Variants in MAMDC2 observed in about 807,000 individuals in gnomAD.
MAMDC2 encodes the protein MAM domain-containing protein 2.
Under a neutral mutation model 89.8 loss-of-function variants are expected in MAMDC2, and 57 were observed. The observed-to-expected ratio is 0.63, with a 90% CI of 0.51 to 0.79. The LOEUF is 0.79. Ranked by LOEUF, MAMDC2 falls within the 30% of genes least tolerant of loss-of-function variation. The probability of loss-of-function intolerance (pLI) is 0.00; values close to 1 mark genes in which losing one functional copy is unlikely to be tolerated. For missense variants in MAMDC2, 800 were observed against 820.6 expected, an observed-to-expected ratio of 0.97 and a Z score of 0.31; for synonymous variants, 313 against 293.4, an observed-to-expected ratio of 1.07 and a Z score of -0.68.
chr9:70,044,628 G>T lies in MAMDC2; in HGVS notation c.79G>T (p.Ala27Ser), dbSNP rs771142996. 2 of 1,551,404 alleles carry T rather than the reference G, an allele frequency of 1.3e-6. No homozygotes were observed. Among genetic ancestry groups the T allele is most frequent in the South Asian group, 1.2e-5 (1 of 84,044 alleles). The change falls in exon 2 of 14, where the codon GCC (alanine) becomes TCC (serine). Residue 27 changes from alanine (A) to serine (S), a missense_variant. Transcript: ENST00000377182. ...GALDLPAGSC[A>S]FEESTCGFDS... ...CCTCGACCTGCCCGCTGGGTCCTGT[G>T]CCTTTGAAGAGAGCACTTGCGGCTT...
At chr9:70,044,255 C>T (rs774957134) in intron 1 of MAMDC2, 24 bp downstream of exon 1, 3 of 1,610,088 alleles carry the variant, frequency 1.9e-6, no homozygotes, top group Non-Finnish European at 2.5e-6. Context: ...CCCGGGACAA[C>T]CCCGGGGGCG....
At chr9:70,170,788 T>C (rs944190225) in intron 11 of MAMDC2, 157 bp downstream of exon 11, 5 of 615,372 alleles carry the variant, frequency 8.1e-6, no homozygotes, top group East Asian at 6.2e-5. Flanking sequence ...GATATGGGCA[T>C]TGAATATCTC....
chr9:70,150,642 T>C (rs932542820), intron 9 of MAMDC2, among the ~76,000 whole-genome samples: 1 of 152,170 alleles, frequency 6.6e-6, no homozygotes, highest in African/African-American at 2.4e-5. Context: ...ATTTAAATAG[T>C]TTGATTCTTC....
chr9:70,089,213 C>T (rs2118167956), intron 2 of MAMDC2: 1 of 152,258 alleles, frequency 6.6e-6, no homozygotes, highest in South Asian at 2.1e-4. Context: ...ACCAGGACAG[C>T]ATCTTCTGAC....
chr9:70,115,274 T>C (rs1370364070), intron 5 of MAMDC2, among the ~76,000 whole-genome samples: 4 of 151,980 alleles, frequency 2.6e-5, no homozygotes, highest in African/African-American at 7.2e-5. Context: ...CTGGGGTCAC[T>C]TACATAAGAA....
intron 9 of MAMDC2, among the ~76,000 whole-genome samples, chr9:70,146,363 G>C (rs1287633797): frequency 1.3e-5 from 2 of 152,130 alleles, no homozygotes; most frequent in African/African-American, 2.4e-5. Context: ...GTGCAGATGA[G>C]GAGACAGTAT....
intron 2 of MAMDC2, among the ~76,000 whole-genome samples, chr9:70,096,671 G>A (rs1828036495): frequency 6.6e-6 from 1 of 152,140 alleles, no homozygotes; most frequent in South Asian, 2.1e-4. Context: ...TGGATATTAG[G>A]GAGGCAATTA....
In MAMDC2 at chr9:70,048,501, G is replaced by A. The variant is rs1490463063; in HGVS notation, c.148+3804G>A. The stretch of plus-strand genomic sequence containing the variant: ...TTTAGTAGAGATGGGATTTCACCAT[G>A]TTGGCCAGGCTGGTCTTGAACTCCT... On this transcript the variant is annotated intron_variant, in intron 2 of 13. Transcript: ENST00000377182. Among the ~76,000 whole-genome samples, 4 of 152,164 alleles carry A rather than the reference G, an allele frequency of 2.6e-5. No homozygotes were observed. The East Asian group carries it at 7.7e-4, about 29-fold the overall frequency.
intron 11 of MAMDC2, among the ~76,000 whole-genome samples, chr9:70,208,522 GGAT>G (rs2033278840): frequency 1.3e-5 from 2 of 152,286 alleles, no homozygotes; most frequent in East Asian, 1.9e-4. Context: ...ATCAGCTTAA[GGAT>G]ATTTTGGGCT....
chr9:70,211,587 A>G (rs1384541693), intron 11 of MAMDC2, among the ~76,000 whole-genome samples: 1 of 151,372 alleles, frequency 6.6e-6, no homozygotes, highest in Non-Finnish European at 1.5e-5. Context: ...ACCTTTAGCT[A>G]TTAGTTATTA....
At chr9:70,141,507 T>C (rs2031221510) in intron 8 of MAMDC2, among the ~76,000 whole-genome samples, 1 of 152,180 alleles carries the variant, frequency 6.6e-6, no homozygotes, top group African/African-American at 2.4e-5. Context: ...AAGCACAGGT[T>C]GTGGTAAGTG....
At chr9:70,045,916 C>CTT (rs1826738551) in intron 2 of MAMDC2, among the ~76,000 whole-genome samples, 4 of 152,182 alleles carry the variant, frequency 2.6e-5, no homozygotes, top group Non-Finnish European at 5.9e-5. Flanking sequence ...TTGACTACTA[C>CTT]AGTCTACTTA....
intron 1 of MAMDC2, 108 bp from the exon 2 acceptor site, chr9:70,044,476 C>A: frequency 1.0e-5 from 10 of 968,736 alleles, no homozygotes; most frequent in Non-Finnish European, 1.4e-5. Context: ...CCCGCCCCCT[C>A]CCGCTCGTCT....
At chr9:70,194,682 G>A (rs1386060137) in intron 11 of MAMDC2, 2 of 152,128 alleles carry the variant, frequency 1.3e-5, no homozygotes, top group East Asian at 3.8e-4. Flanking sequence ...GATTGTATTT[G>A]TGAAAAGAAT....
chr9:70,105,180 A>G (rs1047000997), intron 2 of MAMDC2, among the ~76,000 whole-genome samples: 1 of 152,152 alleles, frequency 6.6e-6, no homozygotes, highest in Non-Finnish European at 1.5e-5. Context: ...TCTTCAAAAT[A>G]TACCGTGTTC....
chr9:70,164,510 G>A (rs2118506830), intron 9 of MAMDC2, among the ~76,000 whole-genome samples: 1 of 152,248 alleles, frequency 6.6e-6, no homozygotes, highest in Middle Eastern at 3.4e-3. Context: ...CTAAGGACTG[G>A]GATCTTGAGT....
intron 11 of MAMDC2, among the ~76,000 whole-genome samples, chr9:70,177,760 A>G (rs1011098268): frequency 6.6e-6 from 1 of 152,174 alleles, no homozygotes; most frequent in Admixed American, 6.5e-5. Context: ...TATTCTGCCT[A>G]CACTGCCTCA....
intron 2 of MAMDC2, among the ~76,000 whole-genome samples, chr9:70,076,204 C>T (rs769170384): frequency 2.6e-5 from 4 of 152,116 alleles, no homozygotes; most frequent in Non-Finnish European, 2.9e-5. Context: ...GGGCAGATCA[C>T]GAGGTCAGGA....
At chr9:70,199,282 T>C (rs1023153104) in intron 11 of MAMDC2, among the ~76,000 whole-genome samples, 4 of 132,190 alleles carry the variant, frequency 3.0e-5, no homozygotes, top group African/African-American at 1.1e-4. Flanking sequence ...TTCCCACCTA[T>C]GAGTGAGAAT....
Sources: allele counts gnomAD v4.1 joint callset (sites outside exome capture counted in the v4.1 genomes callset), GRCh38; gene constraint gnomAD v4.1.1; transcripts MANE v1.5; gene names NCBI Gene and HGNC (gene_info 2026-07-23, HGNC 2026-07-21).